The following SLC16A12 variants were observed in gnomAD, a reference collection of about 807,000 sequenced individuals.
SLC16A12 encodes the protein monocarboxylate transporter 12.
SLC16A12 carries 17 observed loss-of-function variants against 42.4 expected under a neutral mutation model. That is an observed-to-expected ratio of 0.40 (90% CI 0.27 to 0.60). The LOEUF is 0.60. Among genes scored for constraint, SLC16A12 ranks in the 20% least tolerant of loss-of-function variants. SLC16A12 has a pLI of 0.42. For synonymous variants in SLC16A12, 224 were observed against 229.4 expected (o/e 0.98, Z 0.21); for missense variants, 544 against 623.0 (o/e 0.87, Z 1.35).
intron 7 of SLC16A12, 97 bp downstream of exon 7, chr10:89,435,963 C>T (rs1011937901): frequency 8.4e-6 from 13 of 1,545,478 alleles, no homozygotes; most frequent in Middle Eastern, 2.3e-4. Context: ...CCCCAACTCT[C>T]TTGACAGTCC....
At chr10:89,455,266 T>C (rs1271418664) in intron 3 of SLC16A12, among the ~76,000 whole-genome samples, 1 of 152,150 alleles carries the variant, frequency 6.6e-6, no homozygotes, top group Non-Finnish European at 1.5e-5. Flanking sequence ...AAATTATAAA[T>C]AATAATCTCT....
intron 2 of SLC16A12, among the ~76,000 whole-genome samples, chr10:89,554,075 A>AAGGAAGGAAGGAAG (rs1843789379): frequency 1.3e-4 from 10 of 74,858 alleles, no homozygotes; most frequent in African/African-American, 5.0e-4. Flanking sequence ...AAAGAAAGAA[A>AAGGAAGGAAGGAAG]GAAAGAAAGA....
chr10:89,543,640 G>A (rs561521704), intron 2 of SLC16A12, among the ~76,000 whole-genome samples: 94 of 152,102 alleles, frequency 6.2e-4, no homozygotes, highest in Non-Finnish European at 1.2e-3. Flanking sequence ...ATCAGCCTAG[G>A]CAATATGGTG....
intron 2 of SLC16A12, among the ~76,000 whole-genome samples, chr10:89,474,835 T>C (rs961937061): frequency 4.6e-5 from 7 of 152,238 alleles, no homozygotes; most frequent in Non-Finnish European, 8.8e-5. Context: ...GACGTAGGTA[T>C]TATAATCTCC....
chr10:89,439,300 G>T, intron 5 of SLC16A12, 117 bp from the exon 6 acceptor site: 3 of 1,019,958 alleles, frequency 2.9e-6, no homozygotes, highest in Admixed American at 2.5e-5. Context: ...TTTTAAAGCT[G>T]CTTTTTACAC....
chr10:89,467,164 A>G (rs567052545), intron 2 of SLC16A12, among the ~76,000 whole-genome samples: 9 of 152,210 alleles, frequency 5.9e-5, no homozygotes, highest in Non-Finnish European at 1.3e-4. Context: ...CCCAAGGTTA[A>G]GTTGTTTTCC....
At chr10:89,471,846 GTAGTTT>G (rs1360392161) in intron 2 of SLC16A12, among the ~76,000 whole-genome samples, 1 of 152,124 alleles carries the variant, frequency 6.6e-6, no homozygotes, top group African/African-American at 2.4e-5. Flanking sequence ...GTATCTCATT[GTAGTTT>G]TAATTTGTAC....
chr10:89,450,305 G>A (rs1240024282), intron 3 of SLC16A12, among the ~76,000 whole-genome samples: 3 of 152,196 alleles, frequency 2.0e-5, no homozygotes, highest in African/African-American at 7.2e-5. Context: ...AAAGACACAT[G>A]TGCACGTATG....
At chr10:89,442,391 C>A (rs1841927112) in intron 4 of SLC16A12, among the ~76,000 whole-genome samples, 1 of 152,188 alleles carries the variant, frequency 6.6e-6, no homozygotes, top group African/African-American at 2.4e-5. Flanking sequence ...CTACTCAAAG[C>A]TTGACTGTGT....
intron 4 of SLC16A12, among the ~76,000 whole-genome samples, chr10:89,443,326 G>A (rs1439279172): frequency 6.6e-6 from 1 of 152,164 alleles, no homozygotes; most frequent in Non-Finnish European, 1.5e-5. Context: ...AACACTGTTG[G>A]CACTTATGAC....
At chr10:89,550,754 G>C (rs1309391908) in intron 2 of SLC16A12, among the ~76,000 whole-genome samples, 1 of 151,994 alleles carries the variant, frequency 6.6e-6, no homozygotes, top group Non-Finnish European at 1.5e-5. Context: ...GATGCAGAAG[G>C]CTTTGTGCTT....
chr10:89,436,203 G>C lies in SLC16A12; in HGVS notation c.1145C>G (p.Thr382Ser). ...SLPLLVPFSC[T>S]FGYFDGAYVT... Reference sequence around the variant, plus strand: ...ATAGGCACCATCAAAGTAGCCAAAGGTACAAGAGAAAGGCACGAGCAGAGG... The same window carrying C: ...ATAGGCACCATCAAAGTAGCCAAAGCTACAAGAGAAAGGCACGAGCAGAGG... Residue 382 changes from threonine (T) to serine (S), a missense_variant, in exon 7 of 8, where the codon ACC (threonine) becomes AGC (serine). Transcript: ENST00000371790. 6.2e-7 allele frequency: 1 copy of C among 1,614,146 alleles called. No individual in the cohort carries two copies. The highest frequency in any genetic ancestry group is 8.5e-7 in the Non-Finnish European group (1 of 1,180,000).
At chr10:89,455,260 T>A (rs59833406) in intron 3 of SLC16A12, among the ~76,000 whole-genome samples, 15,953 of 152,210 alleles carry the variant, frequency 0.1, 858 homozygotes, top group South Asian at 0.2. Context: ...ATTTTCAAAT[T>A]ATAAATAATA....
At chr10:89,453,670 A>G (rs1842132432) in intron 3 of SLC16A12, among the ~76,000 whole-genome samples, 1 of 152,122 alleles carries the variant, frequency 6.6e-6, no homozygotes, top group Non-Finnish European at 1.5e-5. Flanking sequence ...ACACTCTATG[A>G]TGTTCACATG....
intron 2 of SLC16A12, among the ~76,000 whole-genome samples, chr10:89,467,472 C>T (rs1457686624): frequency 2.6e-5 from 4 of 151,962 alleles, no homozygotes; most frequent in South Asian, 2.1e-4. Flanking sequence ...GTTTAACAAC[C>T]GGGAAGTGTT....
intron 2 of SLC16A12, among the ~76,000 whole-genome samples, chr10:89,463,245 A>G (rs1842332359): frequency 1.3e-5 from 2 of 152,218 alleles, no homozygotes; most frequent in African/African-American, 4.8e-5. Flanking sequence ...TAGACTAATT[A>G]TTATACGGAA....
intron 3 of SLC16A12, among the ~76,000 whole-genome samples, chr10:89,449,330 A>T (rs1390041922): frequency 6.6e-6 from 1 of 152,210 alleles, no homozygotes; most frequent in Non-Finnish European, 1.5e-5. Flanking sequence ...ACAAAGCTGG[A>T]GGCATCATGC....
At chr10:89,508,503 G>A (rs1393871902) in intron 2 of SLC16A12, among the ~76,000 whole-genome samples, 1 of 152,194 alleles carries the variant, frequency 6.6e-6, no homozygotes. Context: ...AATGAAGGCA[G>A]AAATAAAGAT....
intron 2 of SLC16A12, among the ~76,000 whole-genome samples, chr10:89,543,570 T>C (rs751324249): frequency 6.6e-6 from 1 of 152,186 alleles, no homozygotes; most frequent in Non-Finnish European, 1.5e-5. Flanking sequence ...GGCTCATACC[T>C]GTAAACCCAG....
Sources: gnomAD v4.1 joint callset for allele counts (sites outside exome capture counted in the v4.1 genomes callset) on GRCh38, gnomAD v4.1.1 for gene constraint, MANE v1.5 for transcripts, NCBI Gene and HGNC (gene_info 2026-07-23, HGNC 2026-07-21) for gene names.